SLX9: variants seen among roughly 807,000 people sequenced by gnomAD.
SLX9 encodes the protein ribosome biogenesis protein SLX9 homolog.
A neutral mutation model predicts 20.8 loss-of-function variants in SLX9; 19 were observed. The observed-to-expected ratio is 0.91, with a 90% CI of 0.64 to 1.34. The LOEUF (loss-of-function observed/expected upper bound fraction) is 1.34. Ranked by LOEUF, SLX9 falls within the 40% of genes most tolerant of loss-of-function variation. The pLI is 0.00. For missense variants in SLX9, 299 were observed against 322.2 expected (o/e 0.93, Z 0.55); for synonymous variants, 113 against 137.1 (o/e 0.82, Z 1.23).
chr21:44,943,005 G>A (rs2084576880), intron 1 of SLX9, among the ~76,000 whole-genome samples: 2 of 152,194 alleles, frequency 1.3e-5, no homozygotes, highest in Non-Finnish European at 2.9e-5. Flanking sequence ...AAAATAATTA[G>A]TGACATGTTT....
At chr21:44,957,629 G>A (rs1022116756) in intron 2 of SLX9, among the ~76,000 whole-genome samples, 9 of 152,252 alleles carry the variant, frequency 5.9e-5, no homozygotes, top group Admixed American at 4.6e-4. Context: ...TTCACTGCCA[G>A]TAGCAACAGG....
rs2146657670 is a variant in SLX9, at chr21:44,963,031, G to C, written c.352+2863G>C. Among the ~76,000 whole-genome samples, 2 of 151,684 alleles carry C rather than the reference G, an allele frequency of 1.3e-5. 1 individual carries two copies. Among genetic ancestry groups the C allele is most frequent in the Admixed American group, 1.3e-4 (2 of 15,250 alleles). On this transcript the variant is annotated intron_variant, in intron 3 of 5. Coordinates refer to ENST00000291634, the MANE Select transcript of SLX9 (RefSeq NM_058190.4). ...TTCTTTGTCCTAGAGTCCAGTCTTT[G>C]GTTGGATATGTGTTTTACAGATGTT...
At chr21:44,967,314 C>T (rs1189536957) in intron 4 of SLX9, 133 bp downstream of exon 4, 40 of 1,282,090 alleles carry the variant, frequency 3.1e-5, no homozygotes, top group Admixed American at 8.7e-5. Flanking sequence ...GGGCTCCAGC[C>T]GGTGCTCCGC....
chr21:44,973,466 G>A (rs1299169814), intron 5 of SLX9, among the ~76,000 whole-genome samples: 6 of 104,806 alleles, frequency 5.7e-5, no homozygotes, highest in Non-Finnish European at 1.0e-4. Flanking sequence ...CTCTCCAGGG[G>A]TTCAGCTCCT....
intron 3 of SLX9, among the ~76,000 whole-genome samples, chr21:44,962,150 C>CT (rs1020877874): frequency 4.0e-5 from 6 of 151,646 alleles, no homozygotes; most frequent in African/African-American, 9.7e-5. Flanking sequence ...GTTCATGGTT[C>CT]TTTTTTTTTC....
At chr21:44,965,358 C>T (rs865912215) in intron 3 of SLX9, among the ~76,000 whole-genome samples, 6 of 151,972 alleles carry the variant, frequency 3.9e-5, no homozygotes, top group South Asian at 2.1e-4. Context: ...GCCACTGCCT[C>T]GCTCCCTCCC....
At chr21:44,940,333 C>G in intron 1 of SLX9, 147 bp downstream of exon 1, 1 of 1,134,190 alleles carries the variant, frequency 8.8e-7, no homozygotes, top group Non-Finnish European at 1.1e-6. Flanking sequence ...GACCTTCTTG[C>G]TTCGCGAAGC....
At chr21:44,947,956 G>A (rs1412649935) in intron 2 of SLX9, among the ~76,000 whole-genome samples, 3 of 152,248 alleles carry the variant, frequency 2.0e-5, no homozygotes. Context: ...GGTGGCGAGG[G>A]ACCTGTGGCA....
chr21:44,967,463 G>A (rs914699357), intron 4 of SLX9, among the ~76,000 whole-genome samples: 4 of 152,140 alleles, frequency 2.6e-5, no homozygotes, highest in Admixed American at 6.5e-5. Context: ...CCCCTCCCCC[G>A]ACATTGACCA....
At chr21:44,964,118 T>A (rs917735506) in intron 3 of SLX9, among the ~76,000 whole-genome samples, 1 of 152,262 alleles carries the variant, frequency 6.6e-6, no homozygotes, top group Non-Finnish European at 1.5e-5. Context: ...CATCTTATAA[T>A]AAGCTTATTG....
At chr21:44,945,116 C>G (rs1199464160) in intron 2 of SLX9, among the ~76,000 whole-genome samples, 4 of 152,168 alleles carry the variant, frequency 2.6e-5, no homozygotes. Flanking sequence ...GCTCTGTGAC[C>G]CTTAGCTCCA....
chr21:44,943,636 G>A, intron 1 of SLX9, 48 bp from the exon 2 acceptor site: 1 of 1,604,192 alleles, frequency 6.2e-7, no homozygotes, highest in South Asian at 1.1e-5. Flanking sequence ...AAACCACAGA[G>A]CAAGTCTCAC....
At chr21:44,939,994 C>G, upstream of SLX9, 2 of 1,357,028 alleles carry the variant, frequency 1.5e-6, no homozygotes, top group Non-Finnish European at 1.9e-6. Flanking sequence ...TTCCGCCGGG[C>G]GGCGAGAACG....
intron 2 of SLX9, among the ~76,000 whole-genome samples, chr21:44,953,501 G>T (rs994318585): frequency 6.6e-6 from 1 of 152,018 alleles, no homozygotes; most frequent in Admixed American, 6.5e-5. Flanking sequence ...CATCCCCGGC[G>T]GTGGGGCCCT....
chr21:44,956,616 G>T (rs1179137332), intron 2 of SLX9, among the ~76,000 whole-genome samples: 1 of 152,244 alleles, frequency 6.6e-6, no homozygotes, highest in Non-Finnish European at 1.5e-5. Context: ...ATCGCGTAGT[G>T]TGTTCTGTCC....
intron 2 of SLX9, among the ~76,000 whole-genome samples, chr21:44,957,114 G>C (rs2084872756): frequency 6.6e-6 from 1 of 152,256 alleles, no homozygotes; most frequent in Non-Finnish European, 1.5e-5. Context: ...TCTGTGCGGG[G>C]CCATTCAGCT....
intron 3 of SLX9, 49 bp from the exon 4 acceptor site, chr21:44,966,985 C>T (rs1011990091): frequency 1.9e-6 from 3 of 1,565,008 alleles, no homozygotes; most frequent in Non-Finnish European, 1.7e-6. Context: ...TGGGCCTGGG[C>T]TCCTCCTCTG....
At chr21:44,949,710 T>C (rs766552375) in intron 2 of SLX9, among the ~76,000 whole-genome samples, 21 of 152,072 alleles carry the variant, frequency 1.4e-4, no homozygotes, top group Non-Finnish European at 2.4e-4. Flanking sequence ...TCTGCAGGCG[T>C]GTTGGACTGG....
chr21:44,940,088 G>C lies in SLX9; in HGVS notation c.31G>C (p.Val11Leu). The change falls in exon 1 of 6, where the codon GTG (valine) becomes CTG (leucine). Residue 11 changes from valine (V) to leucine (L), a missense_variant. By Grantham distance (32) the Val-to-Leu change is conservative. Transcript: ENST00000291634. MGKVRGLRAR[V>L]HQAAVRPKGE... ...GAAAGTGAGGGGGTTGCGCGCCCGA[G>C]TGCACCAGGCTGCCGTGAGGCCGAA... is the stretch of plus-strand genomic sequence containing the variant. The C allele has an allele frequency of 6.9e-7, 1 of 1,458,144 alleles. No homozygotes were observed. Among genetic ancestry groups the C allele is most frequent in the Non-Finnish European group, 9.1e-7 (1 of 1,103,290 alleles). The allele number at this position is 1,458,144 out of a possible 1,614,324, so 90.3% of individuals were successfully genotyped here.
Sources: gnomAD v4.1 joint callset for allele counts (sites outside exome capture counted in the v4.1 genomes callset) on GRCh38, gnomAD v4.1.1 for gene constraint, MANE v1.5 for transcripts, NCBI Gene and HGNC (gene_info 2026-07-23, HGNC 2026-07-21) for gene names.